The following PAAF1 variants were observed in gnomAD, a reference collection of about 807,000 sequenced individuals.
PAAF1 encodes proteasomal ATPase associated factor 1, also known as proteasomal ATPase-associated factor 1.
A neutral mutation model predicts 52.8 loss-of-function variants in PAAF1; 46 were observed. That is an observed-to-expected ratio of 0.87 (90% CI 0.69 to 1.11). The LOEUF (loss-of-function observed/expected upper bound fraction) is 1.11. PAAF1 is among the 50% of genes most tolerant of loss of function. The pLI is 0.00. For missense variants in PAAF1, 424 were observed against 477.4 expected (o/e 0.89, Z 1.04); for synonymous variants, 178 against 172.8 (o/e 1.03, Z -0.24).
chr11:73,918,359 T>C (rs1249344627), intron 9 of PAAF1, among the ~76,000 whole-genome samples: 2 of 125,786 alleles, frequency 1.6e-5, no homozygotes, highest in East Asian at 2.1e-4. Flanking sequence ...TTAATTTTTT[T>C]TTTTTTTTTT....
chr11:73,887,663 T>C (rs1949097949), intron 3 of PAAF1, among the ~76,000 whole-genome samples: 1 of 152,232 alleles, frequency 6.6e-6, no homozygotes, highest in South Asian at 2.1e-4. Flanking sequence ...TTACTTCCCT[T>C]ATATCAGCTC....
chr11:73,896,201 T>C (rs941087923), intron 4 of PAAF1, among the ~76,000 whole-genome samples: 15 of 151,796 alleles, frequency 9.9e-5, no homozygotes, highest in African/African-American at 3.4e-4. Context: ...TCTATATCTG[T>C]ATATTTTCTA....
intron 7 of PAAF1, among the ~76,000 whole-genome samples, chr11:73,912,267 G>C (rs189530578): frequency 4.0e-4 from 61 of 152,254 alleles, no homozygotes; most frequent in African/African-American, 1.4e-3. Context: ...CCTTTCACCT[G>C]AGTTTCAGAC....
intron 4 of PAAF1, among the ~76,000 whole-genome samples, chr11:73,896,070 C>T (rs988362390): frequency 2.6e-5 from 4 of 152,130 alleles, no homozygotes; most frequent in African/African-American, 4.8e-5. Context: ...AATCATGCCC[C>T]TGCACTTCAG....
At chr11:73,876,738 C>T (rs892293345), upstream of PAAF1, 6 of 318,538 alleles carry the variant, frequency 1.9e-5, no homozygotes, top group African/African-American at 1.1e-4. Flanking sequence ...TCCTGAAGAA[C>T]GCGGTACGCG....
rs187247600 is a variant in PAAF1, at chr11:73,900,372, T to A, written c.484T>A (p.Ser162Thr). 6.2e-6 allele frequency: 10 copies of A among 1,612,694 alleles called. No homozygotes were observed. Among genetic ancestry groups the A allele is most frequent in the Middle Eastern group, 1.7e-4 (1 of 6,052 alleles). ...GGMDAQLKIW[S>T]AEDASCVVTF... ...AATGGATGCCCAGCTGAAGATATGG[T>A]CAGCTGAAGATGCTAGCTGCGTGGT... The change falls in exon 6 of 12, where the codon TCA (serine) becomes ACA (threonine). Residue 162 changes from serine to threonine, a missense_variant. Physicochemically the swap from Ser to Thr is moderately conservative, Grantham distance 58. Coordinates refer to ENST00000310571, the MANE Select transcript of PAAF1 (RefSeq NM_025155.3).
chr11:73,898,931 C>G (rs1949512005), intron 4 of PAAF1, among the ~76,000 whole-genome samples: 1 of 152,182 alleles, frequency 6.6e-6, no homozygotes, highest in South Asian at 2.1e-4. Flanking sequence ...AGAGGAATAT[C>G]TTTTTGTTTG....
chr11:73,891,648 A>G (rs1225628260), intron 4 of PAAF1, among the ~76,000 whole-genome samples: 2 of 152,024 alleles, frequency 1.3e-5, no homozygotes, highest in African/African-American at 4.8e-5. Flanking sequence ...GGTGGCACTT[A>G]CCTGTAGTCC....
At chr11:73,897,671 G>T (rs1428446853) in intron 4 of PAAF1, among the ~76,000 whole-genome samples, 1 of 149,212 alleles carries the variant, frequency 6.7e-6, no homozygotes, top group African/African-American at 2.6e-5. Context: ...CTGGGCGGCC[G>T]GGCAGAGAGG....
chr11:73,915,157 T>C (rs1369310349), intron 8 of PAAF1, among the ~76,000 whole-genome samples: 2 of 152,224 alleles, frequency 1.3e-5, no homozygotes, highest in East Asian at 3.8e-4. Flanking sequence ...TAATAGGGTA[T>C]GTGATGAGGA....
At chr11:73,925,465 CAAAA>C (rs369208529) in intron 11 of PAAF1, among the ~76,000 whole-genome samples, 3 of 83,500 alleles carry the variant, frequency 3.6e-5, no homozygotes, top group East Asian at 4.3e-4. Context: ...GACCCTGTCT[CAAAA>C]AAAAAAAAAA....
rs746342502 is a variant in PAAF1, at chr11:73,909,440, G to A, written c.574G>A (p.Val192Met). 12 of 1,613,974 alleles carry A rather than the reference G, an allele frequency of 7.4e-6. No homozygotes were observed. Among genetic ancestry groups the A allele is most frequent in the African/African-American group, 1.3e-5 (1 of 74,890 alleles). Residue 192 changes from valine to methionine, a missense_variant, in exon 7 of 12, where the codon GTG becomes ATG. Transcript: ENST00000310571. ...CATCGTTGATCGGGGGAGGAATGTG[G>A]TGTCTGCTTCTCGAGATGGGACAGC... is the stretch of plus-strand genomic sequence containing the variant. Reference protein sequence around the residue: ...TAIVDRGRNVVSASRDGTARL... With the variant: ...TAIVDRGRNVMSASRDGTARL...
intron 2 of PAAF1, chr11:73,886,825 T>TG: frequency 4.1e-6 from 1 of 243,420 alleles, no homozygotes. Flanking sequence ...TAGGGCCTAA[T>TG]GGGGGGTGTT....
intron 6 of PAAF1, among the ~76,000 whole-genome samples, chr11:73,907,911 T>C (rs1949804890): frequency 6.6e-6 from 1 of 152,128 alleles, no homozygotes; most frequent in African/African-American, 2.4e-5. Flanking sequence ...GTTAGCAGTT[T>C]TGTGTTGGAG....
At chr11:73,917,011 A>G (rs17132488) in intron 9 of PAAF1, among the ~76,000 whole-genome samples, 3,092 of 152,094 alleles carry the variant, frequency 0.02, 106 homozygotes, top group African/African-American at 0.069. Flanking sequence ...GAAAGATTGA[A>G]TTATTTTTAT....
intron 2 of PAAF1, among the ~76,000 whole-genome samples, chr11:73,883,392 C>T (rs555403206): frequency 2.9e-4 from 44 of 152,328 alleles, no homozygotes; most frequent in Non-Finnish European, 4.4e-4. Context: ...TTTCCACCCC[C>T]CAATCCTAGC....
intron 2 of PAAF1, chr11:73,879,721 A>AC (rs1376205167): frequency 6.6e-6 from 1 of 151,548 alleles, no homozygotes; most frequent in Non-Finnish European, 1.5e-5. Context: ...AAAACAAAAA[A>AC]AATTAGTCAG....
rs78699899 is a variant in PAAF1, at chr11:73,888,240, C to T, written c.192+783C>T. 5.4e-3 allele frequency among the ~76,000 whole-genome samples: 819 copies of T among 152,216 alleles called. 8 individuals are homozygous for T. The highest frequency in any genetic ancestry group is 0.018 in the African/African-American group (740 of 41,512). On this transcript the variant is annotated intron_variant, in intron 3 of 11. Transcript: ENST00000310571. ...CTAATTTTTATTAGAAATACTTGAT[C>T]TGTATTTAGGTTTTATAAAATTTAC... is the stretch of plus-strand genomic sequence containing the variant.
intron 4 of PAAF1, among the ~76,000 whole-genome samples, chr11:73,895,954 T>TA (rs1158176151): frequency 2.0e-5 from 3 of 152,284 alleles, no homozygotes; most frequent in East Asian, 3.9e-4. Context: ...AAAAAAAAGT[T>TA]AAAAAATTAG....
Sources: allele counts gnomAD v4.1 joint callset (sites outside exome capture counted in the v4.1 genomes callset), GRCh38; gene constraint gnomAD v4.1.1; transcripts MANE v1.5; gene names NCBI Gene and HGNC (gene_info 2026-07-23, HGNC 2026-07-21).